Variants in MARCHF10 observed in about 807,000 individuals in gnomAD.
MARCHF10 encodes the protein membrane associated ring-CH-type finger 10, also known as probable E3 ubiquitin-protein ligase MARCHF10.
MARCHF10 carries 64 observed loss-of-function variants against 76.2 expected under a neutral mutation model. The ratio of observed to expected loss-of-function variants is 0.84; its 90% CI spans 0.69 to 1.03. MARCHF10 has a LOEUF of 1.03. Among genes scored for constraint, MARCHF10 ranks in the 50% least tolerant of loss-of-function variants. The pLI is 0.00. For synonymous variants in MARCHF10, 340 were observed against 357.5 expected (o/e 0.95, Z 0.55); for missense variants, 875 against 958.0 (o/e 0.91, Z 1.14).
intron 8 of MARCHF10, among the ~76,000 whole-genome samples, chr17:62,715,589 G>C (rs769916656): frequency 6.6e-6 from 1 of 152,204 alleles, no homozygotes; most frequent in Non-Finnish European, 1.5e-5. Flanking sequence ...ACGCTCACAG[G>C]AGCAAATGTA....
At chr17:62,709,222 G>C (rs957222702) in intron 9 of MARCHF10, among the ~76,000 whole-genome samples, 3 of 152,180 alleles carry the variant, frequency 2.0e-5, no homozygotes, top group African/African-American at 7.2e-5. Context: ...GCTCACACCT[G>C]TAATCCCAGC....
intron 8 of MARCHF10, among the ~76,000 whole-genome samples, chr17:62,716,278 G>A (rs1207395558): frequency 6.6e-6 from 1 of 152,088 alleles, no homozygotes; most frequent in Non-Finnish European, 1.5e-5. Flanking sequence ...GGCAGCAGGT[G>A]CTCAATAAGT....
chr17:62,756,836 G>A (rs1176361959), intron 4 of MARCHF10, among the ~76,000 whole-genome samples: 1 of 152,142 alleles, frequency 6.6e-6, no homozygotes, highest in East Asian at 1.9e-4. Context: ...AACCGCATGC[G>A]CCACTGCATG....
chr17:62,735,925 C>T lies in MARCHF10; in HGVS notation c.1937+6G>A. 1 of 1,592,232 alleles carries T rather than the reference C, an allele frequency of 6.3e-7. No homozygotes were observed. The highest frequency in any genetic ancestry group is 1.2e-5 in the South Asian group (1 of 85,382). On this transcript the variant is annotated splice_donor_region_variant and intron_variant, in intron 6 of 10. Transcript: ENST00000311269. Reference sequence around the variant, plus strand: ...GAAAAAATATATAATTATGAAAAGTCCTCACCTTTCTTGCAATTTCTTGAG... The same window carrying T: ...GAAAAAATATATAATTATGAAAAGTTCTCACCTTTCTTGCAATTTCTTGAG...
intron 10 of MARCHF10, chr17:62,705,271 T>C (rs961017601): frequency 3.3e-5 from 47 of 1,409,198 alleles, no homozygotes; most frequent in Non-Finnish European, 4.2e-5. Context: ...AAATCTTATC[T>C]CATGCCGGAA....
At chr17:62,715,935 C>T (rs145277029) in intron 8 of MARCHF10, among the ~76,000 whole-genome samples, 8 of 152,278 alleles carry the variant, frequency 5.3e-5, no homozygotes, top group African/African-American at 1.7e-4. Flanking sequence ...CAAAGGCCAC[C>T]GACAGTGCTG....
intron 8 of MARCHF10, among the ~76,000 whole-genome samples, chr17:62,722,078 T>C (rs1022908302): frequency 2.6e-5 from 4 of 151,572 alleles, no homozygotes; most frequent in African/African-American, 9.7e-5. Flanking sequence ...AGATCAGGAG[T>C]TCGAGACCAA....
At chr17:62,720,231 A>G (rs2147679125) in intron 8 of MARCHF10, among the ~76,000 whole-genome samples, 1 of 151,946 alleles carries the variant, frequency 6.6e-6, no homozygotes, top group South Asian at 2.1e-4. Flanking sequence ...ATGTCTTGTA[A>G]TTTTTTCTTG....
At position 62,743,415 on chromosome 17, in the gene MARCHF10, AG is replaced by A. The variant is rs1272588872; in HGVS notation, c.535+960del. Among the ~76,000 whole-genome samples the A allele has an allele frequency of 5.3e-5, 8 of 152,330 alleles. No homozygotes were observed. In the East Asian group the frequency reaches 1.4e-3, roughly 26 times the overall value. On this transcript the variant is annotated intron_variant, in intron 5 of 10. Transcript: ENST00000311269. Reference sequence around the variant, plus strand: ...GTAATCCCAGCACTTTGGGAGGCCAAGGCAAGCAGATCACTTGAGGCCAGGA... The same window carrying A: ...GTAATCCCAGCACTTTGGGAGGCCAAGCAAGCAGATCACTTGAGGCCAGGA...
rs138691740 is a variant in MARCHF10, at chr17:62,799,599, T to C, written c.90+2047A>G. ...CCCGTCTCTACTAAAAATACAAAAT[T>C]AGCCAGGTGTGTTGGCGCATGCCTG... is the stretch of plus-strand genomic sequence containing the variant. On this transcript the variant is annotated intron_variant, in intron 2 of 10. Transcript: ENST00000311269. Among the ~76,000 whole-genome samples, 351 of 152,054 alleles carry C rather than the reference T, an allele frequency of 2.3e-3. 2 individuals are homozygous for C. Among genetic ancestry groups the C allele is most frequent in the African/African-American group, 8.0e-3 (333 of 41,478 alleles).
chr17:62,725,734 G>C (rs1050407486), intron 6 of MARCHF10, among the ~76,000 whole-genome samples: 1 of 152,228 alleles, frequency 6.6e-6, no homozygotes. Context: ...AAGTTGGTGG[G>C]GGTGGCATAC....
At position 62,738,060 on chromosome 17, in the gene MARCHF10, T is replaced by TACACACACA. The variant is rs1555696218; in HGVS notation, c.536-729_536-728insTGTGTGTGT. On this transcript the variant is annotated intron_variant, in intron 5 of 10. Transcript: ENST00000311269. The surrounding 1 kb of genome is among the most constrained non-coding windows in gnomAD (Gnocchi z 4.0). ...AACTGTCTCTCTCTGTCTCTCTCTG[T>TACACACACA]CACACACACACACACACACACACAC... 1 of 127,398 alleles carries TACACACACA rather than the reference T, an allele frequency of 7.8e-6. No individual in the cohort carries two copies. The highest frequency in any genetic ancestry group is 2.3e-4 in the East Asian group (1 of 4,318). 7.9% of individuals were successfully genotyped at this position (127,398 alleles called of 1,614,324 possible). A position where few individuals can be genotyped will look rare whatever the true frequency, so the allele number is the denominator to read the frequency against.
chr17:62,774,333 T>C (rs1353910514), intron 3 of MARCHF10, among the ~76,000 whole-genome samples: 2 of 152,028 alleles, frequency 1.3e-5, no homozygotes, highest in Non-Finnish European at 2.9e-5. Flanking sequence ...TCAAGGATTG[T>C]GGTGGCAGAT....
chr17:62,783,496 G>A (rs1385691287), intron 3 of MARCHF10, among the ~76,000 whole-genome samples: 2 of 152,160 alleles, frequency 1.3e-5, no homozygotes, highest in East Asian at 1.9e-4. Context: ...AAATTCAAAA[G>A]CTAGCAGAAG....
Position 62,724,910 on chromosome 17 carries a change from C to G in MARCHF10, c.2104+28G>C, listed in dbSNP as rs372613209. 12 of 1,607,372 alleles carry G rather than the reference C, an allele frequency of 7.5e-6. No homozygotes were observed. The African/African-American group carries it at 1.5e-4, about 20-fold the overall frequency. ...CTCATGTTAATTACATGTCGTGGCACGTTCACTGCACTTCCTTCCCCACCT... is the reference window on the plus strand; with the variant it reads ...CTCATGTTAATTACATGTCGTGGCAGGTTCACTGCACTTCCTTCCCCACCT... On this transcript the variant is annotated intron_variant, in intron 7 of 10. Transcript: ENST00000311269.
At chr17:62,707,010 G>A (rs1190278213) in intron 9 of MARCHF10, among the ~76,000 whole-genome samples, 1 of 152,196 alleles carries the variant, frequency 6.6e-6, no homozygotes, top group African/African-American at 2.4e-5. Context: ...CCGGCCACTT[G>A]CAGAAGCGAG....
intron 4 of MARCHF10, among the ~76,000 whole-genome samples, chr17:62,752,132 T>C (rs1247757144): frequency 1.3e-5 from 2 of 152,128 alleles, no homozygotes; most frequent in Non-Finnish European, 2.9e-5. Flanking sequence ...ACTTCTTTCT[T>C]CCTAAATGGC....
Position 62,737,201 on chromosome 17 carries a change from G to A in MARCHF10, c.667C>T (p.Pro223Ser). Residue 223 changes from proline to serine, a missense_variant, in exon 6 of 11, where the codon CCG becomes TCG. Coordinates refer to ENST00000311269, the MANE Select transcript of MARCHF10 (RefSeq NM_152598.4). ...NAPDRAKKGDPSAPSQSELHP... is the reference protein window; with the variant it reads ...NAPDRAKKGDSSAPSQSELHP... ...AGCTCACTCTGGGAAGGAGCACTCG[G>A]GTCTCCTTTTTTGGCTCTATCAGGG... 6.2e-7 allele frequency: 1 copy of A among 1,614,010 alleles called. No homozygotes were observed.
rs772688705 is a variant in MARCHF10, at chr17:62,711,316, A to G, written c.2243T>C (p.Leu748Ser). The part of the protein sequence containing the change: ...QAQNELMNSG[L>S]YLVLLLHLYE... ...GAGGTGAAGCAGCAGCACCAGGTAC[A>G]AGCCTGAATTCATCAGCTCGTTTTG... Residue 748 changes from leucine (L) to serine (S), a missense_variant, in exon 9 of 11, where the codon TTG (leucine) becomes TCG (serine). By Grantham distance (145) the Leu-to-Ser change is moderately radical (BLOSUM62 -2). Coordinates refer to ENST00000311269, the MANE Select transcript of MARCHF10 (RefSeq NM_152598.4). The surrounding 1 kb of genome is among the most constrained non-coding windows in gnomAD (Gnocchi z 4.4). 6.2e-7 allele frequency: 1 copy of G among 1,614,204 alleles called. No homozygotes were observed.
Sources: allele counts gnomAD v4.1 joint callset (sites outside exome capture counted in the v4.1 genomes callset), GRCh38; gene constraint gnomAD v4.1.1; non-coding constraint Gnocchi (gnomAD v3.1); transcripts MANE v1.5; gene names NCBI Gene and HGNC (gene_info 2026-07-23, HGNC 2026-07-21).